The following TENM3 variants were observed in gnomAD, a reference collection of about 807,000 sequenced individuals.
The protein encoded by TENM3 is teneurin transmembrane protein 3, also known as teneurin-3.
In TENM3, 63 loss-of-function variants were observed where a neutral mutation model predicts 255.1. The ratio of observed to expected loss-of-function variants is 0.25; its 90% confidence interval spans 0.20 to 0.30. The LOEUF is 0.30. Ranked by LOEUF, TENM3 falls within the 10% of genes least tolerant of loss-of-function variation. TENM3 has a pLI of 1.00. For missense variants in TENM3, 2,929 were observed against 3,461.1 expected (o/e 0.85, Z 3.86); for synonymous variants, 1,306 against 1,322.3 (o/e 0.99, Z 0.27).
At chr4:181,699,657 G>A in the TENM3 span, among the ~76,000 whole-genome samples, 1 of 152,004 alleles carries the variant, frequency 6.6e-6, no homozygotes, top group Non-Finnish European at 1.5e-5. Context: ...TTAATTGTAA[G>A]GCTTTAAATC....
chr4:182,346,115 C>CAAAA (rs1764788271), intron 2 of TENM3, among the ~76,000 whole-genome samples: 2 of 141,612 alleles, frequency 1.4e-5, no homozygotes, highest in Non-Finnish European at 3.1e-5. Context: ...ATACAAAATA[C>CAAAA]TACGTGTTAT....
chr4:181,991,430 T>C, the TENM3 span, among the ~76,000 whole-genome samples: 1 of 152,078 alleles, frequency 6.6e-6, no homozygotes, highest in African/African-American at 2.4e-5. Context: ...TTCCGCCTAG[T>C]TGTTGTTTTA....
At position 182,579,793 on chromosome 4, in the gene TENM3, G is replaced by A. The variant is rs1055006534; in HGVS notation, c.512-21131G>A. Among the ~76,000 whole-genome samples, 3 of 152,092 alleles carry A rather than the reference G, an allele frequency of 2.0e-5. No individual in the cohort carries two copies. The South Asian group carries it at 6.2e-4, about 32-fold the overall frequency. On this transcript the variant is annotated intron_variant, in intron 3 of 27. Transcript: ENST00000511685. ...TCTCATCAGCTTATTTTAAAGCAAAGTTGTTACAGGACTCTGGTATAAGGA... is the reference window on the plus strand; with the variant it reads ...TCTCATCAGCTTATTTTAAAGCAAAATTGTTACAGGACTCTGGTATAAGGA...
Position 182,494,151 on chromosome 4 carries a change from T to G in TENM3, c.512-106773T>G, listed in dbSNP as rs146761160. 9.9e-3 allele frequency among the ~76,000 whole-genome samples: 1,504 copies of G among 152,268 alleles called. 16 individuals are homozygous for G. Among genetic ancestry groups the G allele is most frequent in the Middle Eastern group, 0.024 (7 of 294 alleles). ...AAATACCTAACCAAAATCCTTTTTCTTGAGTGTGTTAAGCAAGAAACTGGG... is the reference window on the plus strand; with the variant it reads ...AAATACCTAACCAAAATCCTTTTTCGTGAGTGTGTTAAGCAAGAAACTGGG... On this transcript the variant is annotated intron_variant, in intron 3 of 27. Coordinates refer to ENST00000511685, the MANE Select transcript of TENM3 (RefSeq NM_001080477.4).
the TENM3 span, among the ~76,000 whole-genome samples, chr4:181,785,839 A>C: frequency 0.011 from 1,323 of 125,242 alleles, 18 homozygotes; most frequent in African/African-American, 0.036. Context: ...CACACACACA[A>C]ACACACACAC....
chr4:181,515,291 G>A, the TENM3 span, among the ~76,000 whole-genome samples: 1 of 152,138 alleles, frequency 6.6e-6, no homozygotes, highest in Non-Finnish European at 1.5e-5. Flanking sequence ...CATTGCAAGT[G>A]GTTGGGACAG....
the TENM3 span, among the ~76,000 whole-genome samples, chr4:181,823,832 C>T: frequency 1.3e-5 from 2 of 152,000 alleles, no homozygotes; most frequent in African/African-American, 2.4e-5. Context: ...CAGCTTGACT[C>T]GATGACAGCT....
intron 1 of TENM3, among the ~76,000 whole-genome samples, chr4:182,167,707 T>C (rs1452870896): frequency 7.2e-5 from 11 of 151,788 alleles, no homozygotes; most frequent in Admixed American, 7.2e-4. Flanking sequence ...ACCCCGTCTC[T>C]ACAAAATACA....
At chr4:182,298,555 G>A (rs1761641124) in intron 1 of TENM3, among the ~76,000 whole-genome samples, 1 of 152,172 alleles carries the variant, frequency 6.6e-6, no homozygotes, top group South Asian at 2.1e-4. Context: ...GTTTGGGAAA[G>A]TGCAGTCTTG....
intron 2 of TENM3, among the ~76,000 whole-genome samples, chr4:182,336,590 T>C (rs1028158884): frequency 6.6e-6 from 1 of 152,116 alleles, no homozygotes; most frequent in African/African-American, 2.4e-5. Context: ...CCTTTGGGGG[T>C]TGGAGAAGAA....
At chr4:181,470,371 A>C in the TENM3 span, among the ~76,000 whole-genome samples, 1 of 152,262 alleles carries the variant, frequency 6.6e-6, no homozygotes, top group South Asian at 2.1e-4. Flanking sequence ...CGTATGTATA[A>C]CTGGAGCTTG....
intron 3 of TENM3, among the ~76,000 whole-genome samples, chr4:182,524,787 T>C (rs1738972663): frequency 6.9e-6 from 1 of 145,568 alleles, no homozygotes; most frequent in Admixed American, 7.1e-5. Flanking sequence ...GAGGCCAAAG[T>C]GGATGGATCC....
At chr4:181,525,855 A>G in the TENM3 span, among the ~76,000 whole-genome samples, 1 of 152,154 alleles carries the variant, frequency 6.6e-6, no homozygotes, top group Non-Finnish European at 1.5e-5. Context: ...GCTACTTCTC[A>G]CATCTCCCTG....
At chr4:182,673,966 T>C (rs1394872407) in intron 7 of TENM3, among the ~76,000 whole-genome samples, 1 of 152,230 alleles carries the variant, frequency 6.6e-6, no homozygotes, top group Admixed American at 6.5e-5. Flanking sequence ...AAATTGTCGC[T>C]TAATATAGGT....
chr4:181,781,955 C>T, the TENM3 span, among the ~76,000 whole-genome samples: 1 of 152,140 alleles, frequency 6.6e-6, no homozygotes, highest in Non-Finnish European at 1.5e-5. Flanking sequence ...AGCCTTGCAT[C>T]CTAGGGATGA....
At chr4:182,757,108 C>A (rs1762795091) in intron 22 of TENM3, among the ~76,000 whole-genome samples, 1 of 151,896 alleles carries the variant, frequency 6.6e-6, no homozygotes, top group Admixed American at 6.6e-5. Context: ...GTCAGGAGAT[C>A]AAGACCATCC....
At chr4:182,073,640 T>A in the TENM3 span, among the ~76,000 whole-genome samples, 1 of 152,182 alleles carries the variant, frequency 6.6e-6, no homozygotes, top group Non-Finnish European at 1.5e-5. Flanking sequence ...CTGAGTTAAA[T>A]CACCATGAGG....
intron 3 of TENM3, among the ~76,000 whole-genome samples, chr4:182,556,476 G>A (rs935803516): frequency 1.3e-5 from 2 of 152,076 alleles, no homozygotes; most frequent in Non-Finnish European, 2.9e-5. Context: ...AGTAATTAGT[G>A]AAATCATTTG....
chr4:182,525,100 A>G (rs1022107371), intron 3 of TENM3, among the ~76,000 whole-genome samples: 2 of 152,176 alleles, frequency 1.3e-5, no homozygotes, highest in Non-Finnish European at 1.5e-5. Flanking sequence ...GGAGGTGCAC[A>G]GTAATTTTCA....
Sources: gnomAD v4.1 joint callset for allele counts (sites outside exome capture counted in the v4.1 genomes callset) on GRCh38, gnomAD v4.1.1 for gene constraint, MANE v1.5 for transcripts, NCBI Gene and HGNC (gene_info 2026-07-23, HGNC 2026-07-21) for gene names.